Variants in FSTL1 observed in about 807,000 individuals in gnomAD.
FSTL1 encodes the protein follistatin-related protein 1.
In FSTL1, 24 loss-of-function variants were observed where a neutral mutation model predicts 45.9. The ratio of observed to expected loss-of-function variants is 0.52; its 90% CI spans 0.38 to 0.74. The LOEUF is 0.74. FSTL1 is among the 30% of genes least tolerant of loss of function. FSTL1 has a pLI of 0.00. For synonymous variants in FSTL1, 120 were observed against 137.6 expected (o/e 0.87, Z 0.89); for missense variants, 340 against 381.8 (o/e 0.89, Z 0.91).
At position 120,403,920 on chromosome 3, in the gene FSTL1, C is replaced by CAAAAA. The variant is rs34145564; in HGVS notation, c.582-571_582-567dup. Among the ~76,000 whole-genome samples, 215 of 52,096 alleles carry CAAAAA rather than the reference C, an allele frequency of 4.1e-3. 13 individuals are homozygous for CAAAAA. The highest frequency in any genetic ancestry group is 5.5e-3 in the Non-Finnish European group (169 of 30,754). The allele number at this position is 52,096 out of a possible 152,430, so 34.2% of individuals were successfully genotyped here. Reference sequence around the variant, plus strand: ...TGGGCGACAGAGCGAGACTCCGTCTCAAAAAAAAAAAAAAAAAAAAAAAAC... The same window carrying CAAAAA: ...TGGGCGACAGAGCGAGACTCCGTCTCAAAAAAAAAAAAAAAAAAAAAAAAAAAAAC... On this transcript the variant is annotated intron_variant, in intron 7 of 10. Transcript: ENST00000295633.
At chr3:120,420,547 CATTA>C in intron 2 of FSTL1, among the ~76,000 whole-genome samples, 1 of 152,302 alleles carries the variant, frequency 6.6e-6, no homozygotes, top group Non-Finnish European at 1.5e-5. Flanking sequence ...GATTTGGTCT[CATTA>C]ATTTTCACAT....
At chr3:120,422,158 T>C (rs984759748) in intron 2 of FSTL1, among the ~76,000 whole-genome samples, 1 of 152,208 alleles carries the variant, frequency 6.6e-6, no homozygotes, top group African/African-American at 2.4e-5. Flanking sequence ...CACAGTGTAC[T>C]GCCTGAGAAA....
chr3:120,438,783 A>C (rs1321214529), intron 2 of FSTL1, among the ~76,000 whole-genome samples: 3 of 151,980 alleles, frequency 2.0e-5, no homozygotes, highest in African/African-American at 7.3e-5. Context: ...ATCCCAGCCC[A>C]TCTCTGGCCA....
intron 2 of FSTL1, among the ~76,000 whole-genome samples, chr3:120,436,046 T>C (rs1937550202): frequency 7.2e-6 from 1 of 139,132 alleles, no homozygotes. Flanking sequence ...CATATCCCTA[T>C]CACAGTTTAT....
chr3:120,417,931 C>G (rs1937215026), intron 2 of FSTL1, among the ~76,000 whole-genome samples: 1 of 152,190 alleles, frequency 6.6e-6, no homozygotes, highest in Non-Finnish European at 1.5e-5. Context: ...TGCGGAGATT[C>G]AGTGAGATAC....
intron 3 of FSTL1, among the ~76,000 whole-genome samples, chr3:120,414,429 G>C (rs1441576451): frequency 4.2e-4 from 60 of 143,134 alleles, no homozygotes; most frequent in East Asian, 3.1e-3. Context: ...GCCTCTGCCC[G>C]GCCGCCCCTA....
intron 2 of FSTL1, among the ~76,000 whole-genome samples, chr3:120,420,609 T>C (rs1421435669): frequency 1.3e-5 from 2 of 152,234 alleles, no homozygotes; most frequent in Admixed American, 1.3e-4. Flanking sequence ...TCCTGACTTT[T>C]TACTAGGTAG....
At position 120,392,955 on chromosome 3, in the gene FSTL1, A is replaced by G. The variant is rs538259146; in HGVS notation, c.*3997T>C. On this transcript the variant is annotated 3_prime_UTR_variant, in exon 11 of 11. Transcript: ENST00000295633. ...TAATATTAAATTTTGATGAAAGGAAACTTAGCTTCTGAATTATGCTTAGTT... is the reference window on the plus strand; with the variant it reads ...TAATATTAAATTTTGATGAAAGGAAGCTTAGCTTCTGAATTATGCTTAGTT... The G allele has an allele frequency of 4.6e-5, 7 of 152,216 alleles. No individual in the cohort carries two copies. The highest frequency in any genetic ancestry group is 1.0e-4 in the Non-Finnish European group (7 of 68,040). The allele number at this position is 152,216 out of a possible 1,614,324, so 9.4% of individuals were successfully genotyped here. A position where few individuals can be genotyped will look rare whatever the true frequency, so the allele number is the denominator to read the frequency against.
At chr3:120,407,716 A>C (rs1312452660) in intron 6 of FSTL1, among the ~76,000 whole-genome samples, 4 of 152,232 alleles carry the variant, frequency 2.6e-5, no homozygotes, top group Non-Finnish European at 4.4e-5. Flanking sequence ...TCTGATAATC[A>C]TCAAAAAGTA....
chr3:120,407,486 G>A (rs1936969044), intron 6 of FSTL1, among the ~76,000 whole-genome samples: 1 of 152,222 alleles, frequency 6.6e-6, no homozygotes, highest in South Asian at 2.1e-4. Context: ...CTAAGAAACA[G>A]TGACTACATC....
At chr3:120,416,191 C>T (rs1037086286) in intron 2 of FSTL1, among the ~76,000 whole-genome samples, 164 bp from the exon 3 acceptor site, 3 of 152,126 alleles carry the variant, frequency 2.0e-5, no homozygotes, top group Non-Finnish European at 4.4e-5. Context: ...GAGACGTTGC[C>T]TCCAACAGCT....
rs1342570622 is a variant in FSTL1 at position 120,397,064 on chromosome 3, C to T, written c.883-68G>A. 6 of 1,229,530 alleles carry T rather than the reference C, an allele frequency of 4.9e-6. No individual in the cohort carries two copies. The Middle Eastern group carries it at 5.6e-4, about 114-fold the overall frequency. The allele number at this position is 1,229,530 out of a possible 1,614,324, so 76.2% of individuals were successfully genotyped here. ...CAACTGTTGGAATTTATCTGTTCCT[C>T]AAGACTATATAGCATTGGCATTTAC... On this transcript the variant is annotated intron_variant, in intron 10 of 10. Transcript: ENST00000295633.
At chr3:120,405,001 G>A (rs1342762208) in intron 6 of FSTL1, 30 bp from the exon 7 acceptor site, 1 of 1,157,920 alleles carries the variant, frequency 8.6e-7, no homozygotes. Context: ...ATCGTTCAGG[G>A]ATGTTTTGCA....
intron 9 of FSTL1, among the ~76,000 whole-genome samples, chr3:120,401,281 A>T (rs1936820217): frequency 1.3e-5 from 2 of 152,156 alleles, no homozygotes; most frequent in Non-Finnish European, 2.9e-5. Flanking sequence ...ACTTCTAGGA[A>T]CTTGTAGGAA....
chr3:120,423,110 A>G (rs748171841), intron 2 of FSTL1: 1 of 152,188 alleles, frequency 6.6e-6, no homozygotes, highest in Non-Finnish European at 1.5e-5. Context: ...CCTGGAAATT[A>G]CTATATTCAA....
intron 6 of FSTL1, among the ~76,000 whole-genome samples, chr3:120,405,781 G>A (rs1936936253): frequency 6.6e-6 from 1 of 152,182 alleles, no homozygotes; most frequent in South Asian, 2.1e-4. Flanking sequence ...TCAGCCATCT[G>A]GGACCATTCA....
chr3:120,403,721 C>T (rs147114941), intron 7 of FSTL1, among the ~76,000 whole-genome samples: 2 of 151,736 alleles, frequency 1.3e-5, no homozygotes, highest in African/African-American at 4.8e-5. Context: ...CTAGGAAAAT[C>T]AAAACAGAAG....
At chr3:120,400,133 C>G in intron 9 of FSTL1, 174 bp from the exon 10 acceptor site, 1 of 615,778 alleles carries the variant, frequency 1.6e-6, no homozygotes. Flanking sequence ...TAATTGATAC[C>G]TCCAAGGTAA....
rs573152399 is a variant in FSTL1, at chr3:120,399,905, A to G, written c.860T>C (p.Val287Ala). ...TQTEEEMTRY[V>A]QELQKHQETA... ...CACCTGATGCTTTTGGAGCTCCTGG[A>G]CATATCTGGTCATCTCCTCCTCTGT... Residue 287 changes from valine to alanine, a missense_variant, in exon 10 of 11, where the codon GTC (valine) becomes GCC (alanine). By Grantham distance (64) the Val-to-Ala change is moderately conservative (BLOSUM62 0). Coordinates refer to ENST00000295633, the MANE Select transcript of FSTL1 (RefSeq NM_007085.5). 2.4e-5 allele frequency: 38 copies of G among 1,607,572 alleles called. No homozygotes were observed. The highest frequency in any genetic ancestry group is 2.9e-5 in the Non-Finnish European group (34 of 1,176,728).
Sources: gnomAD v4.1 joint callset for allele counts (sites outside exome capture counted in the v4.1 genomes callset) on GRCh38, gnomAD v4.1.1 for gene constraint, MANE v1.5 for transcripts, NCBI Gene and HGNC (gene_info 2026-07-23, HGNC 2026-07-21) for gene names.